The following MGAT4C variants were observed in gnomAD, a reference collection of about 807,000 sequenced individuals.
MGAT4C encodes MGAT4 family member C, also known as alpha-1,3-mannosyl-glycoprotein 4-beta-N-acetylglucosaminyltransferase C.
Under a neutral mutation model 40.1 loss-of-function variants are expected in MGAT4C, and 19 were observed. That is an observed-to-expected ratio of 0.47 (90% confidence interval 0.33 to 0.70). The LOEUF (loss-of-function observed/expected upper bound fraction) is 0.70. MGAT4C is among the 30% of genes least tolerant of loss of function. The pLI is 0.02. For missense variants in MGAT4C, 491 were observed against 563.2 expected (o/e 0.87, Z 1.30); for synonymous variants, 181 against 187.1 (o/e 0.97, Z 0.27).
At chr12:86,069,792 T>G (rs1225940142) in intron 1 of MGAT4C, among the ~76,000 whole-genome samples, 1 of 152,152 alleles carries the variant, frequency 6.6e-6, no homozygotes, top group Admixed American at 6.6e-5. Flanking sequence ...TGTTTTTAAC[T>G]CATCTCCATT....
At chr12:86,396,463 A>C (rs760831236) in intron 3 of MGAT4C, among the ~76,000 whole-genome samples, 1 of 152,224 alleles carries the variant, frequency 6.6e-6, no homozygotes, top group Non-Finnish European at 1.5e-5. Context: ...AGGCAAAAAG[A>C]CACTGCTGCA....
rs149623909 is a variant in MGAT4C, at chr12:86,423,578, G to A, written c.-120+11579C>T. 1.5e-3 allele frequency among the ~76,000 whole-genome samples: 230 copies of A among 152,122 alleles called. 2 individuals are homozygous for A. Among genetic ancestry groups the A allele is most frequent in the African/African-American group, 4.9e-3 (204 of 41,532 alleles). ...TGTACATGTATAAATGTATGTGTGT[G>A]TATAGGGAATATAGTGTAATAATTG... On this transcript the variant is annotated intron_variant, in intron 3 of 7. Coordinates refer to the MGAT4C transcript ENST00000548651.
At chr12:86,748,267 GA>G (rs1366358148) in intron 1 of MGAT4C, among the ~76,000 whole-genome samples, 1 of 151,576 alleles carries the variant, frequency 6.6e-6, no homozygotes, top group East Asian at 1.9e-4. Flanking sequence ...TATTGGCAAT[GA>G]GAACTGTAAC....
At chr12:86,263,018 C>T (rs1315997285) in intron 4 of MGAT4C, among the ~76,000 whole-genome samples, 1 of 151,724 alleles carries the variant, frequency 6.6e-6, no homozygotes, top group Non-Finnish European at 1.5e-5. Context: ...GATTTTTACC[C>T]TACTATATAA....
intron 2 of MGAT4C, among the ~76,000 whole-genome samples, chr12:86,615,924 C>A (rs1962432504): frequency 6.6e-6 from 1 of 151,954 alleles, no homozygotes; most frequent in South Asian, 2.1e-4. Flanking sequence ...GAGACTCTTG[C>A]AAAACTGGAG....
chr12:86,650,009 G>T (rs1455102973), intron 2 of MGAT4C, among the ~76,000 whole-genome samples: 2 of 151,820 alleles, frequency 1.3e-5, no homozygotes, highest in African/African-American at 2.4e-5. Flanking sequence ...AAAAGTCAAG[G>T]TTTGCTAAAT....
intron 1 of MGAT4C, among the ~76,000 whole-genome samples, chr12:86,738,278 A>G (rs950256001): frequency 9.2e-5 from 14 of 151,514 alleles, no homozygotes; most frequent in African/African-American, 3.1e-4. Flanking sequence ...AATTTTTTAA[A>G]TAATGTTTTT....
intron 2 of MGAT4C, among the ~76,000 whole-genome samples, chr12:86,514,653 A>G (rs1222372895): frequency 2.0e-5 from 3 of 152,168 alleles, no homozygotes; most frequent in Non-Finnish European, 4.4e-5. Flanking sequence ...CCCTGTGACT[A>G]CATTGGACAC....
intron 2 of MGAT4C, among the ~76,000 whole-genome samples, chr12:86,660,931 A>T (rs1385072146): frequency 6.6e-6 from 1 of 152,230 alleles, no homozygotes; most frequent in Non-Finnish European, 1.5e-5. Flanking sequence ...AGGAAGCAAC[A>T]TCATCTCAAT....
rs888814764 is a variant in MGAT4C at position 85,973,400 on chromosome 12, G to A, written c.*5889C>T. The A allele has an allele frequency of 2.7e-5, 4 of 150,842 alleles. No homozygotes were observed. The highest frequency in any genetic ancestry group is 4.5e-5 in the Non-Finnish European group (3 of 67,074). 9.3% of individuals were successfully genotyped at this position (150,842 alleles called of 1,614,324 possible). On this transcript the variant is annotated 3_prime_UTR_variant, in exon 5 of 5. Coordinates refer to ENST00000611864, the MANE Select transcript of MGAT4C (RefSeq NM_001351288.2). ...TATGCCAGCTATTGTGGTTAAAGCT[G>A]TAGTAACTTACAGTACATTGAAATT...
At chr12:86,019,482 G>A (rs1370060475) in intron 2 of MGAT4C, among the ~76,000 whole-genome samples, 1 of 152,072 alleles carries the variant, frequency 6.6e-6, no homozygotes, top group Non-Finnish European at 1.5e-5. Context: ...TAAACATTAG[G>A]TGCTTCAAAG....
intron 1 of MGAT4C, among the ~76,000 whole-genome samples, chr12:86,252,025 A>G (rs1024607991): frequency 1.3e-5 from 2 of 152,086 alleles, no homozygotes; most frequent in African/African-American, 2.4e-5. Context: ...GCTATTAAAC[A>G]TCTACTGCTT....
chr12:86,264,647 G>T (rs1952741535), intron 4 of MGAT4C, among the ~76,000 whole-genome samples: 1 of 152,172 alleles, frequency 6.6e-6, no homozygotes, highest in Non-Finnish European at 1.5e-5. Flanking sequence ...CCAGGGACAG[G>T]CAGGGTCCCC....
rs150026844 is a variant in MGAT4C at position 86,313,245 on chromosome 12, C to T, written c.-57+20820G>A. Among the ~76,000 whole-genome samples the T allele has an allele frequency of 4.7e-3, 709 of 152,122 alleles. 3 individuals carry two copies. Among genetic ancestry groups the T allele is most frequent in the African/African-American group, 0.016 (669 of 41,486 alleles). On this transcript the variant is annotated intron_variant, in intron 4 of 7. Coordinates refer to the MGAT4C transcript ENST00000548651. ...TTTTATCAGGGTACTTTTAAGTAAT[C>T]TGTGTGAAATCATTGAGGGTACTCA...
At chr12:86,173,284 T>C (rs1887042883) in intron 1 of MGAT4C, among the ~76,000 whole-genome samples, 1 of 152,158 alleles carries the variant, frequency 6.6e-6, no homozygotes, top group Non-Finnish European at 1.5e-5. Context: ...TTTATTATAA[T>C]TGAACATTTA....
At chr12:86,474,264 C>T (rs1050172585) in intron 2 of MGAT4C, among the ~76,000 whole-genome samples, 3 of 150,154 alleles carry the variant, frequency 2.0e-5, no homozygotes, top group Admixed American at 6.7e-5. Flanking sequence ...AGCAAATTAT[C>T]GCAAGGACAA....
At chr12:86,336,688 T>C (rs1954798847) in intron 3 of MGAT4C, among the ~76,000 whole-genome samples, 1 of 152,030 alleles carries the variant, frequency 6.6e-6, no homozygotes, top group Non-Finnish European at 1.5e-5. Context: ...CAGGAGGACA[T>C]CAGCACATGT....
chr12:85,995,134 C>A (rs1041757294), intron 2 of MGAT4C, among the ~76,000 whole-genome samples: 1 of 152,102 alleles, frequency 6.6e-6, no homozygotes, highest in African/African-American at 2.4e-5. Flanking sequence ...CAGCACAGGG[C>A]AATATCCCCA....
chr12:86,445,398 A>G (rs570344439), intron 2 of MGAT4C, among the ~76,000 whole-genome samples: 2 of 152,296 alleles, frequency 1.3e-5, no homozygotes, highest in East Asian at 3.9e-4. Flanking sequence ...AAATTTATTA[A>G]AATAATCATT....
Sources: gnomAD v4.1 joint callset for allele counts (sites outside exome capture counted in the v4.1 genomes callset) on GRCh38, gnomAD v4.1.1 for gene constraint, MANE v1.5 for transcripts, NCBI Gene and HGNC (gene_info 2026-07-23, HGNC 2026-07-21) for gene names.